The following GALNT8 variants were observed in gnomAD, a reference collection of about 807,000 sequenced individuals.
The protein encoded by GALNT8 is probable polypeptide N-acetylgalactosaminyltransferase 8.
GALNT8 carries 66 observed loss-of-function variants against 62.7 expected under a neutral mutation model. The ratio of observed to expected loss-of-function variants is 1.05; its 90% CI spans 0.86 to 1.29. The LOEUF (loss-of-function observed/expected upper bound fraction) is 1.29. Ranked by LOEUF, GALNT8 falls within the 50% of genes most tolerant of loss-of-function variation. GALNT8 has a pLI of 0.00. For synonymous variants in GALNT8, 288 were observed against 294.3 expected, an observed-to-expected ratio of 0.98 and a Z score of 0.22; for missense variants, 771 against 791.8, an observed-to-expected ratio of 0.97 and a Z score of 0.32.
chr12:4,733,132 A>C (rs1946227870), intron 2 of GALNT8, among the ~76,000 whole-genome samples: 1 of 152,266 alleles, frequency 6.6e-6, no homozygotes, highest in African/African-American at 2.4e-5. Context: ...ATGGCTACTT[A>C]AATGTAAATT....
In GALNT8 at chr12:4,720,900, A is replaced by G. The variant is rs200077777; in HGVS notation, c.211+12A>G. On this transcript the variant is annotated intron_variant, in intron 1 of 10. Transcript: ENST00000252318. The stretch of plus-strand genomic sequence containing the variant: ...ATTGCAGGATCTGAGTAAGTTTACA[A>G]TGCTAACCTGGAAGGTGTGTGTGTG... 329 of 1,496,778 alleles carry G rather than the reference A, an allele frequency of 2.2e-4. 1 individual carries two copies. The highest frequency in any genetic ancestry group is 7.7e-4 in the Admixed American group (46 of 59,876). 92.7% of individuals were successfully genotyped at this position (1,496,778 alleles called of 1,614,324 possible). A position where few individuals can be genotyped will look rare whatever the true frequency, so the allele number is the denominator to read the frequency against.
intron 6 of GALNT8, among the ~76,000 whole-genome samples, chr12:4,754,842 C>T (rs763271157): frequency 2.5e-4 from 38 of 152,184 alleles, no homozygotes; most frequent in Non-Finnish European, 2.9e-5. Flanking sequence ...TCCTTCCCTT[C>T]AAGGCAGCGA....
chr12:4,768,084 T>C (rs1404226318), intron 10 of GALNT8, among the ~76,000 whole-genome samples: 2 of 152,216 alleles, frequency 1.3e-5, no homozygotes, highest in African/African-American at 4.8e-5. Flanking sequence ...TTCAATTACC[T>C]GACTTTAAAT....
At chr12:4,763,639 C>G (rs1267309327) in intron 8 of GALNT8, among the ~76,000 whole-genome samples, 1 of 151,814 alleles carries the variant, frequency 6.6e-6, no homozygotes. Flanking sequence ...CCGCCCCGCC[C>G]CCGTTTCTCC....
intron 6 of GALNT8, among the ~76,000 whole-genome samples, chr12:4,758,633 T>TGAGAGAGAGAGA (rs1555070216): frequency 1.3e-5 from 1 of 79,834 alleles, no homozygotes; most frequent in Non-Finnish European, 3.1e-5. Flanking sequence ...TGTGTGTGTG[T>TGAGAGAGAGAGA]GTGTGAGAGA....
Position 4,763,283 on chromosome 12 carries a change from TC to T in GALNT8, c.1392del (p.Arg465GlufsTer8), listed in dbSNP as rs775430570. 2.5e-5 allele frequency: 40 copies of T among 1,612,158 alleles called. No individual in the cohort carries two copies. The African/African-American group carries it at 4.5e-4, about 18-fold the overall frequency. ...NSGIDFGDVS[S>X]RMALREKLKC... ...TGGAATAGATTTTGGAGACGTTTCTTCCAGAATGGCACTCCGGGAAAAACTG... is the reference window on the plus strand; with the variant it reads ...TGGAATAGATTTTGGAGACGTTTCTTCAGAATGGCACTCCGGGAAAAACTG... On this transcript the variant is annotated frameshift_variant, in exon 8 of 11. Transcript: ENST00000252318. LOFTEE classifies it high-confidence loss of function.
chr12:4,767,754 C>T (rs1202724366), intron 10 of GALNT8, among the ~76,000 whole-genome samples: 2 of 151,994 alleles, frequency 1.3e-5, no homozygotes, highest in Admixed American at 6.6e-5. Flanking sequence ...CTTTTTTGTT[C>T]GTGTGAAGAA....
intron 2 of GALNT8, among the ~76,000 whole-genome samples, chr12:4,737,976 G>A (rs895049917): frequency 4.6e-5 from 7 of 152,168 alleles, no homozygotes; most frequent in African/African-American, 1.7e-4. Context: ...TACTGTTATA[G>A]CTGCACAAAA....
rs1274353321 is a variant in GALNT8, at chr12:4,739,249, G to A, written c.596G>A (p.Arg199Gln). The A allele has an allele frequency of 1.2e-6, 2 of 1,612,902 alleles. No homozygotes were observed. Among genetic ancestry groups the A allele is most frequent in the East Asian group, 2.2e-5 (1 of 44,878 alleles). Residue 199 changes from arginine (R) to glutamine (Q), a missense_variant, in exon 3 of 11, where the codon CGG (arginine) becomes CAG (glutamine). Physicochemically the swap from Arg to Gln is conservative, Grantham distance 43. Coordinates refer to ENST00000252318, the MANE Select transcript of GALNT8 (RefSeq NM_017417.2). ...AATGAAGCTCTGTCCATTATACAAC[G>A]GGCCATCACCAGTATCATCAACCGG... ...FVNEALSIIQRAITSIINRTP... is the reference protein window; with the variant it reads ...FVNEALSIIQQAITSIINRTP...
At position 4,741,130 on chromosome 12, in the gene GALNT8, A is replaced by G. The variant is rs569240127; in HGVS notation, c.676+1801A>G. 3.9e-5 allele frequency among the ~76,000 whole-genome samples: 6 copies of G among 152,322 alleles called. No individual in the cohort carries two copies. In the East Asian group the frequency reaches 1.2e-3, roughly 29 times the overall value. On this transcript the variant is annotated intron_variant, in intron 3 of 10. Transcript: ENST00000252318. Reference sequence around the variant, plus strand: ...GGAGGCAGAATATGTTCCTTCTCTGAGGATCTTTAAGTACCAGATAGGTTA... The same window carrying G: ...GGAGGCAGAATATGTTCCTTCTCTGGGGATCTTTAAGTACCAGATAGGTTA...
chr12:4,740,166 C>T (rs1311595239), intron 3 of GALNT8, among the ~76,000 whole-genome samples: 3 of 152,124 alleles, frequency 2.0e-5, no homozygotes, highest in African/African-American at 4.8e-5. Context: ...ACAGGGTGCC[C>T]GTGCCCCGAG....
At chr12:4,762,682 G>A (rs1946378362) in intron 7 of GALNT8, among the ~76,000 whole-genome samples, 1 of 152,134 alleles carries the variant, frequency 6.6e-6, no homozygotes, top group Non-Finnish European at 1.5e-5. Context: ...CACTTTCTCT[G>A]GAAATATAAA....
rs180949181 is a variant in GALNT8 at position 4,766,935 on chromosome 12, C to T, written c.1761+1389C>T. On this transcript the variant is annotated intron_variant, in intron 10 of 10. Transcript: ENST00000252318. Reference sequence around the variant, plus strand: ...TACAGTTTCAGAGGTTTTTTGCATCCTAGATTAAGCTTCCCTGAACTAGAC... The same window carrying T: ...TACAGTTTCAGAGGTTTTTTGCATCTTAGATTAAGCTTCCCTGAACTAGAC... Among the ~76,000 whole-genome samples the T allele has an allele frequency of 2.4e-4, 36 of 151,474 alleles. 1 individual carries two copies. Among genetic ancestry groups the T allele is most frequent in the African/African-American group, 8.7e-4 (36 of 41,270 alleles).
intron 2 of GALNT8, among the ~76,000 whole-genome samples, chr12:4,736,056 TC>T (rs1420008449): frequency 2.0e-5 from 3 of 151,990 alleles, no homozygotes; most frequent in Non-Finnish European, 4.4e-5. Flanking sequence ...ACAGGAAGAA[TC>T]AGGGAAAAAG....
chr12:4,750,595 T>G (rs1946318230), intron 6 of GALNT8, among the ~76,000 whole-genome samples: 1 of 152,222 alleles, frequency 6.6e-6, no homozygotes, highest in Non-Finnish European at 1.5e-5. Context: ...CTATCATTGA[T>G]GGGCATTTAG....
intron 1 of GALNT8, among the ~76,000 whole-genome samples, chr12:4,721,424 T>G (rs961221772): frequency 2.0e-5 from 3 of 152,170 alleles, no homozygotes; most frequent in Non-Finnish European, 2.9e-5. Flanking sequence ...TCTTGGGTGT[T>G]TCTCGGAGAG....
At chr12:4,739,382 C>G (rs1391590835) in intron 3 of GALNT8, 53 bp downstream of exon 3, 34 of 1,476,980 alleles carry the variant, frequency 2.3e-5, no homozygotes, top group Non-Finnish European at 3.1e-5. Flanking sequence ...ATCATCTGTG[C>G]TTGGCTGGAA....
chr12:4,753,259 C>T (rs796772476), intron 6 of GALNT8, among the ~76,000 whole-genome samples: 26 of 129,218 alleles, frequency 2.0e-4, no homozygotes, highest in African/African-American at 6.9e-4. Context: ...ACTTTCTACC[C>T]CTATCTCTTT....
chr12:4,748,995 A>T (rs1946311943), intron 6 of GALNT8, among the ~76,000 whole-genome samples: 1 of 152,110 alleles, frequency 6.6e-6, no homozygotes, highest in Non-Finnish European at 1.5e-5. Flanking sequence ...AATTACTTTT[A>T]AAGATTTCTT....
Sources: allele counts gnomAD v4.1 joint callset (sites outside exome capture counted in the v4.1 genomes callset), GRCh38; gene constraint gnomAD v4.1.1; transcripts MANE v1.5; gene names NCBI Gene and HGNC (gene_info 2026-07-23, HGNC 2026-07-21).